ZNF804A: variants seen among roughly 807,000 people sequenced by gnomAD.
The protein encoded by ZNF804A is zinc finger protein 804A.
ZNF804A carries 2 observed loss-of-function variants against 16.5 expected under a neutral mutation model. The observed-to-expected ratio is 0.12, with a 90% CI of 0.05 to 0.38. The LOEUF is 0.38. Among genes scored for constraint, ZNF804A ranks in the 10% least tolerant of loss-of-function variants. The pLI, the probability that ZNF804A is intolerant of heterozygous loss-of-function variation, is 0.99. For synonymous variants in ZNF804A, 534 were observed against 489.6 expected, an observed-to-expected ratio of 1.09 and a Z score of -1.20; for missense variants, 1,473 against 1,390.7, an observed-to-expected ratio of 1.06 and a Z score of -0.94.
chr2:184,934,112 A>C (rs1685746804), intron 3 of ZNF804A, among the ~76,000 whole-genome samples: 1 of 152,146 alleles, frequency 6.6e-6, no homozygotes, highest in Non-Finnish European at 1.5e-5. Context: ...ACTTTTTAAA[A>C]TGAAAATTTG....
At chr2:184,875,730 T>A (rs1696044811) in intron 2 of ZNF804A, among the ~76,000 whole-genome samples, 1 of 142,260 alleles carries the variant, frequency 7.0e-6, no homozygotes, top group African/African-American at 2.7e-5. Flanking sequence ...TAGTTCTCAG[T>A]AAAGGTATGT....
intron 1 of ZNF804A, among the ~76,000 whole-genome samples, chr2:184,698,680 C>T (rs960540040): frequency 7.9e-5 from 12 of 152,012 alleles, no homozygotes; most frequent in African/African-American, 2.9e-4. Flanking sequence ...TTTGTTGACT[C>T]AGCAGTTCAA....
At position 184,615,229 on chromosome 2, in the gene ZNF804A, C is replaced by T. The variant is rs916724683; in HGVS notation, c.111+16159C>T. Among the ~76,000 whole-genome samples the T allele has an allele frequency of 2.6e-5, 4 of 152,142 alleles. No individual in the cohort carries two copies. The South Asian group carries it at 8.3e-4, about 31-fold the overall frequency. ...CCATAAAAAAGGATTAGTTCATGCC[C>T]TTTGCAGGGATATGGATGAAGCTGG... On this transcript the variant is annotated intron_variant, in intron 1 of 3. Coordinates refer to ENST00000302277, the MANE Select transcript of ZNF804A (RefSeq NM_194250.2).
At chr2:184,640,584 A>G (rs1691778843) in intron 1 of ZNF804A, among the ~76,000 whole-genome samples, 1 of 152,194 alleles carries the variant, frequency 6.6e-6, no homozygotes, top group African/African-American at 2.4e-5. Context: ...TAACATAGAT[A>G]CTAACATTAT....
chr2:184,619,819 A>C (rs1271876832), intron 1 of ZNF804A, among the ~76,000 whole-genome samples: 2 of 151,898 alleles, frequency 1.3e-5, no homozygotes, highest in African/African-American at 4.8e-5. Flanking sequence ...ATATTTTACA[A>C]AGAAGAATAA....
At chr2:184,627,644 T>C (rs1691527296) in intron 1 of ZNF804A, among the ~76,000 whole-genome samples, 1 of 152,312 alleles carries the variant, frequency 6.6e-6, no homozygotes, top group South Asian at 2.1e-4. Context: ...CTTACATGTG[T>C]ATGGTAAGCA....
At chr2:184,682,133 C>G (rs1014550871) in intron 1 of ZNF804A, among the ~76,000 whole-genome samples, 6 of 152,122 alleles carry the variant, frequency 3.9e-5, no homozygotes, top group African/African-American at 1.4e-4. Flanking sequence ...GCATGAACAG[C>G]CTGGGTGCCA....
intron 1 of ZNF804A, among the ~76,000 whole-genome samples, chr2:184,820,494 T>G (rs927864275): frequency 6.6e-6 from 1 of 152,106 alleles, no homozygotes; most frequent in Non-Finnish European, 1.5e-5. Context: ...GCATTCCCCT[T>G]GAAAACCAGC....
chr2:184,730,184 C>T (rs1011121697), intron 1 of ZNF804A, among the ~76,000 whole-genome samples: 55 of 151,796 alleles, frequency 3.6e-4, no homozygotes, highest in African/African-American at 1.3e-3. Flanking sequence ...ATTATAAAGA[C>T]GATTTTCTTT....
chr2:184,761,537 T>C (rs1009268984), intron 1 of ZNF804A, among the ~76,000 whole-genome samples: 7 of 152,116 alleles, frequency 4.6e-5, no homozygotes, highest in African/African-American at 1.4e-4. Context: ...CAACAGTCTA[T>C]TCCAGTACAT....
At chr2:184,818,453 AT>A (rs140995401) in intron 1 of ZNF804A, among the ~76,000 whole-genome samples, 5,303 of 151,986 alleles carry the variant, frequency 0.035, 304 homozygotes, top group African/African-American at 0.12. Context: ...ACTAAAAAAA[AT>A]ACTGTAATCC....
chr2:184,685,494 G>A (rs1302361697), intron 1 of ZNF804A, among the ~76,000 whole-genome samples: 3 of 152,050 alleles, frequency 2.0e-5, no homozygotes, highest in African/African-American at 7.2e-5. Flanking sequence ...CTTGGCCCAC[G>A]TCTAGGAAAA....
At chr2:184,851,583 T>C (rs1020395092) in intron 1 of ZNF804A, among the ~76,000 whole-genome samples, 1 of 151,984 alleles carries the variant, frequency 6.6e-6, no homozygotes, top group Non-Finnish European at 1.5e-5. Flanking sequence ...TATCTCTTCA[T>C]GCATCTATGG....
intron 1 of ZNF804A, among the ~76,000 whole-genome samples, chr2:184,748,464 T>C (rs1358047410): frequency 6.6e-6 from 1 of 151,552 alleles, no homozygotes; most frequent in African/African-American, 2.4e-5. Context: ...TACCCAATTT[T>C]AATGAGATTA....
At position 184,937,223 on chromosome 2, in the gene ZNF804A, G is replaced by T. The variant is rs761150177; in HGVS notation, c.1827G>T (p.Glu609Asp). The change falls in exon 4 of 4, where the codon GAG becomes GAT. Residue 609 changes from glutamate to aspartate, a missense_variant. Transcript: ENST00000302277. Reference sequence around the variant, plus strand: ...AGTTATGTCAGCATCATCATATGGAGAAAACCAAAGAATCAGAAACTCGCT... The same window carrying T: ...AGTTATGTCAGCATCATCATATGGATAAAACCAAAGAATCAGAAACTCGCT... ...RKKLCQHHHMEKTKESETRCK... is the reference protein window; with the variant it reads ...RKKLCQHHHMDKTKESETRCK... The T allele has an allele frequency of 8.1e-6, 13 of 1,608,910 alleles. No homozygotes were observed. The South Asian group carries it at 1.4e-4, about 18-fold the overall frequency.
rs943664050 is a variant in ZNF804A, at chr2:184,939,163, T to C, written c.*137T>C. On this transcript the variant is annotated 3_prime_UTR_variant, in exon 4 of 4. Transcript: ENST00000302277. ...ACATGGCGTCATTGGTTTGAAATCATTTACTGTAAGTGCAATGATGCAAAT... is the reference window on the plus strand; with the variant it reads ...ACATGGCGTCATTGGTTTGAAATCACTTACTGTAAGTGCAATGATGCAAAT... The C allele has an allele frequency of 9.1e-6, 10 of 1,096,906 alleles. No homozygotes were observed. In the Admixed American group the frequency reaches 1.9e-4, roughly 21 times the overall value. The allele number at this position is 1,096,906 out of a possible 1,614,324, so 67.9% of individuals were successfully genotyped here.
chr2:184,842,906 A>G (rs1695458892), intron 1 of ZNF804A, among the ~76,000 whole-genome samples: 1 of 152,148 alleles, frequency 6.6e-6, no homozygotes, highest in South Asian at 2.1e-4. Flanking sequence ...TGAGCACCAT[A>G]ATGGTAGAGG....
chr2:184,666,766 G>T (rs548709061), intron 1 of ZNF804A, among the ~76,000 whole-genome samples: 1 of 152,098 alleles, frequency 6.6e-6, no homozygotes, highest in Admixed American at 6.6e-5. Context: ...ATCATAATGT[G>T]CATGTTCATG....
intron 1 of ZNF804A, among the ~76,000 whole-genome samples, chr2:184,803,956 G>T (rs544797243): frequency 6.6e-6 from 1 of 152,108 alleles, no homozygotes; most frequent in East Asian, 1.9e-4. Flanking sequence ...TCCGCCTCCC[G>T]GGTTCAAGTG....
Sources: allele counts gnomAD v4.1 joint callset (sites outside exome capture counted in the v4.1 genomes callset), GRCh38; gene constraint gnomAD v4.1.1; transcripts MANE v1.5; gene names NCBI Gene and HGNC (gene_info 2026-07-23, HGNC 2026-07-21).